Variants in MRPS6 observed in about 807,000 individuals in gnomAD.
MRPS6 encodes the protein small ribosomal subunit protein bS6m.
Under a neutral mutation model 13.1 loss-of-function variants are expected in MRPS6, and 6 were observed. That is an observed-to-expected ratio of 0.46 (90% CI 0.25 to 0.91). MRPS6 has a LOEUF of 0.91. Ranked by LOEUF, MRPS6 falls within the 40% of genes least tolerant of loss-of-function variation. The pLI is 0.18. For missense variants in MRPS6, 164 were observed against 155.6 expected (o/e 1.05, Z -0.29); for synonymous variants, 61 against 56.5 (o/e 1.08, Z -0.36).
At position 34,097,451 on chromosome 21, in the gene MRPS6, G is replaced by A. The variant is rs76633925; in HGVS notation, c.45+23706G>A. ...TGTGCATCTCTCAGGCATTGTTTAC[G>A]CTGTAGGTTTTAGCCAAATTTTACT... On this transcript the variant is annotated intron_variant, in intron 1 of 2. Transcript: ENST00000399312. 462 of 1,475,076 alleles carry A rather than the reference G, an allele frequency of 3.1e-4. 1 individual carries two copies. The African/African-American group carries it at 4.5e-3, about 14-fold the overall frequency. 91.4% of individuals were successfully genotyped at this position (1,475,076 alleles called of 1,614,324 possible).
At chr21:34,113,996 G>C (rs1277784712) in intron 1 of MRPS6, among the ~76,000 whole-genome samples, 6 of 152,180 alleles carry the variant, frequency 3.9e-5, no homozygotes, top group African/African-American at 1.4e-4. Context: ...AGGTGGCTCA[G>C]TAATGCCTAC....
intron 1 of MRPS6, among the ~76,000 whole-genome samples, chr21:34,115,575 A>G (rs1056601219): frequency 4.6e-5 from 7 of 152,188 alleles, no homozygotes; most frequent in South Asian, 2.1e-4. Flanking sequence ...CCACCTGTTT[A>G]TACCTCTCTG....
intron 1 of MRPS6, chr21:34,103,554 G>A: frequency 1.0e-6 from 1 of 1,000,112 alleles, no homozygotes; most frequent in South Asian, 4.7e-5. Flanking sequence ...ATGATAGAAA[G>A]CTAAAGTCCA....
intron 1 of MRPS6, chr21:34,099,097 A>G: frequency 1.0e-6 from 1 of 999,746 alleles, no homozygotes; most frequent in Non-Finnish European, 1.2e-6. Flanking sequence ...TCTTCCCATG[A>G]TCAGGAGGCT....
At chr21:34,093,589 G>C (rs1341542043) in intron 1 of MRPS6, among the ~76,000 whole-genome samples, 1 of 151,930 alleles carries the variant, frequency 6.6e-6, no homozygotes, top group Non-Finnish European at 1.5e-5. Flanking sequence ...AGAATCATCA[G>C]AAAAAGCATG....
At chr21:34,139,935 G>A (rs1229282394) in intron 2 of MRPS6, among the ~76,000 whole-genome samples, 2 of 151,928 alleles carry the variant, frequency 1.3e-5, no homozygotes, top group Non-Finnish European at 2.9e-5. Flanking sequence ...ATCTGTAGTT[G>A]TTTCACCTTT....
intron 1 of MRPS6, among the ~76,000 whole-genome samples, chr21:34,092,855 G>C (rs560683773): frequency 3.9e-5 from 6 of 152,184 alleles, no homozygotes; most frequent in Non-Finnish European, 5.9e-5. Flanking sequence ...CCATTGGGAA[G>C]AGTGATACCT....
chr21:34,073,689 G>A lies in MRPS6; in HGVS notation c.-12G>A. On this transcript the variant is annotated 5_prime_UTR_variant, in exon 1 of 3. Coordinates refer to ENST00000399312, the MANE Select transcript of MRPS6 (RefSeq NM_032476.4). ...GGCTGGCTTCCGAGCCGCACTCGCC[G>A]ATCCTCCAGGCATGCCCCGCTACGA... 1 of 1,518,340 alleles carries A rather than the reference G, an allele frequency of 6.6e-7. No homozygotes were observed. Among genetic ancestry groups the A allele is most frequent in the South Asian group, 1.2e-5 (1 of 86,726 alleles). 94.1% of individuals were successfully genotyped at this position (1,518,340 alleles called of 1,614,324 possible).
At chr21:34,083,921 C>T (rs1165214669) in intron 1 of MRPS6, among the ~76,000 whole-genome samples, 3 of 152,226 alleles carry the variant, frequency 2.0e-5, no homozygotes, top group African/African-American at 7.2e-5. Flanking sequence ...ATCTGGCATA[C>T]AAAGAAAACA....
intron 2 of MRPS6, among the ~76,000 whole-genome samples, chr21:34,130,824 C>T (rs534482141): frequency 1.3e-5 from 2 of 152,256 alleles, no homozygotes; most frequent in South Asian, 2.1e-4. Context: ...GTCAAAGTTA[C>T]GTGCTTTTCT....
chr21:34,103,028 T>G, intron 1 of MRPS6: 1 of 1,000,000 alleles, frequency 1.0e-6, no homozygotes, highest in Non-Finnish European at 1.2e-6. Context: ...GTTTTCAATT[T>G]ATCAACATAG....
At chr21:34,102,946 C>T in intron 1 of MRPS6, 1 of 999,780 alleles carries the variant, frequency 1.0e-6, no homozygotes, top group Non-Finnish European at 1.2e-6. Flanking sequence ...GGTAAATTCA[C>T]CCTGTTTCCT....
At chr21:34,127,754 T>G (rs1980358650) in intron 2 of MRPS6, among the ~76,000 whole-genome samples, 1 of 152,234 alleles carries the variant, frequency 6.6e-6, no homozygotes, top group Non-Finnish European at 1.5e-5. Flanking sequence ...ATTTTGTTCA[T>G]TTGGCAAATT....
At chr21:34,125,314 T>G (rs1182861846) in intron 1 of MRPS6, 27 bp from the exon 2 acceptor site, 3 of 1,602,682 alleles carry the variant, frequency 1.9e-6, no homozygotes, top group Non-Finnish European at 1.7e-6. Flanking sequence ...TTTTTTTTCT[T>G]TTCTTTAAAA....
chr21:34,079,602 ATTTTTTTTTTTT>A (rs398036389), intron 1 of MRPS6, among the ~76,000 whole-genome samples: 6 of 43,660 alleles, frequency 1.4e-4, no homozygotes, highest in African/African-American at 1.7e-4. Context: ...GACCCAGCTA[ATTTTTTTTTTTT>A]TTTTTTTTTT....
chr21:34,097,637 C>T (rs779499547), intron 1 of MRPS6: 254 of 1,146,988 alleles, frequency 2.2e-4, no homozygotes, highest in Non-Finnish European at 2.5e-4. Flanking sequence ...TCACAGAGCA[C>T]TTAGAGCAGA....
Position 34,096,374 on chromosome 21 carries a change from C to T in MRPS6, c.45+22629C>T, listed in dbSNP as rs779039052. On this transcript the variant is annotated intron_variant, in intron 1 of 2. Transcript: ENST00000399312. This position sits in a 1 kb window ranked among gnomAD's most constrained non-coding sequence, Gnocchi z 5.9. Reference sequence around the variant, plus strand: ...ACAGTGCCAGTACCATATTCACCCTCGATGTGTACAAACTTATCCGCAAGA... The same window carrying T: ...ACAGTGCCAGTACCATATTCACCCTTGATGTGTACAAACTTATCCGCAAGA... 71 of 1,614,026 alleles carry T rather than the reference C, an allele frequency of 4.4e-5. 1 individual carries two copies. In the Admixed American group the frequency reaches 9.3e-4, roughly 21 times the overall value.
intron 1 of MRPS6, among the ~76,000 whole-genome samples, chr21:34,121,333 G>A (rs1439677023): frequency 6.6e-6 from 1 of 152,116 alleles, no homozygotes; most frequent in Non-Finnish European, 1.5e-5. Context: ...CAGGAAAATC[G>A]AGAACTACTA....
chr21:34,102,255 A>G (rs1979273291), intron 1 of MRPS6: 1 of 999,860 alleles, frequency 1.0e-6, no homozygotes, highest in Non-Finnish European at 1.2e-6. Context: ...GTCCCACACC[A>G]TTATTCACTT....
Sources: allele counts gnomAD v4.1 joint callset (sites outside exome capture counted in the v4.1 genomes callset), GRCh38; gene constraint gnomAD v4.1.1; non-coding constraint Gnocchi (gnomAD v3.1); transcripts MANE v1.5; gene names NCBI Gene and HGNC (gene_info 2026-07-23, HGNC 2026-07-21).